C8orf34: variants seen among roughly 807,000 people sequenced by gnomAD.
C8orf34 encodes uncharacterized protein C8orf34.
In C8orf34, 65 loss-of-function variants were observed where a neutral mutation model predicts 68.3. The ratio of observed to expected loss-of-function variants is 0.95; its 90% CI spans 0.78 to 1.17. The LOEUF (loss-of-function observed/expected upper bound fraction) is 1.17, where lower values mean the gene tolerates loss of function less well. C8orf34 is among the 50% of genes most tolerant of loss of function. The pLI, the probability that C8orf34 is intolerant of heterozygous loss-of-function variation, is 0.00. For synonymous variants in C8orf34, 244 were observed against 241.2 expected, an observed-to-expected ratio of 1.01 and a Z score of -0.11; for missense variants, 664 against 655.4, an observed-to-expected ratio of 1.01 and a Z score of -0.14.
At chr8:68,406,493 A>T (rs914537464) in intron 1 of C8orf34, among the ~76,000 whole-genome samples, 2 of 151,582 alleles carry the variant, frequency 1.3e-5, no homozygotes, top group South Asian at 4.2e-4. Flanking sequence ...TTAATTAATT[A>T]ATTATTATTA....
intron 10 of C8orf34, among the ~76,000 whole-genome samples, chr8:68,752,445 A>G (rs920116087): frequency 6.6e-6 from 1 of 152,116 alleles, no homozygotes; most frequent in Non-Finnish European, 1.5e-5. Flanking sequence ...TCTTTCCCCA[A>G]CTTTATACAA....
intron 1 of C8orf34, among the ~76,000 whole-genome samples, chr8:68,348,050 C>T (rs779970394): frequency 2.6e-5 from 4 of 151,576 alleles, no homozygotes; most frequent in African/African-American, 7.3e-5. Context: ...CCTGTGTCCA[C>T]GGTGGTATTA....
At chr8:68,812,902 G>A (rs1277196040) in intron 12 of C8orf34, among the ~76,000 whole-genome samples, 1 of 152,132 alleles carries the variant, frequency 6.6e-6, no homozygotes, top group Non-Finnish European at 1.5e-5. Context: ...GTTGATATCT[G>A]ATAGAAAACA....
intron 7 of C8orf34, among the ~76,000 whole-genome samples, chr8:68,610,794 G>GA (rs1316314205): frequency 6.7e-6 from 1 of 149,512 alleles, no homozygotes; most frequent in Non-Finnish European, 1.5e-5. Flanking sequence ...TTCCAATGAT[G>GA]AAAAACAAGG....
intron 7 of C8orf34, among the ~76,000 whole-genome samples, chr8:68,536,667 A>G (rs894717258): frequency 5.3e-5 from 8 of 152,094 alleles, no homozygotes; most frequent in Non-Finnish European, 8.8e-5. Flanking sequence ...ACTATCCCAT[A>G]CAATTTGTAA....
At chr8:68,807,663 T>A (rs907309684) in intron 12 of C8orf34, among the ~76,000 whole-genome samples, 18 of 152,214 alleles carry the variant, frequency 1.2e-4, no homozygotes, top group Admixed American at 3.3e-4. Context: ...CTTGTCATCA[T>A]GTGTGTCTGC....
At chr8:68,384,847 A>G (rs1241122312) in intron 1 of C8orf34, among the ~76,000 whole-genome samples, 2 of 152,144 alleles carry the variant, frequency 1.3e-5, no homozygotes, top group African/African-American at 4.8e-5. Context: ...TCATGGTGGG[A>G]GCAGATGGTG....
chr8:68,552,568 T>C (rs1295399624), intron 7 of C8orf34, among the ~76,000 whole-genome samples: 1 of 152,140 alleles, frequency 6.6e-6, no homozygotes, highest in Non-Finnish European at 1.5e-5. Context: ...TTGTCAGTTA[T>C]CATAGGTTTT....
intron 1 of C8orf34, among the ~76,000 whole-genome samples, chr8:68,420,263 C>T (rs183140116): frequency 2.0e-5 from 3 of 151,938 alleles, no homozygotes. Flanking sequence ...AACTGCCCTG[C>T]TCTTTGGACT....
rs1585883305 is a variant in C8orf34 at position 68,787,514 on chromosome 8, A to C, written c.1527A>C (p.Gly509=). The part of the protein sequence containing the change: ...WILPSDTESE[G]VEAEQEKRSA... ...TGCCAAGTGACACAGAAAGTGAAGG[A>C]GTGGAAGCAGAACAAGAGAAACGTG... The change falls in exon 12 of 14, where the codon GGA becomes GGC. Residue 509 remains glycine, a synonymous_variant. Transcript: ENST00000518698. 6.2e-7 allele frequency: 1 copy of C among 1,611,576 alleles called. No homozygotes were observed. Among genetic ancestry groups the C allele is most frequent in the Non-Finnish European group, 8.5e-7 (1 of 1,178,374 alleles).
chr8:68,481,753 G>A (rs1014916531), intron 4 of C8orf34, among the ~76,000 whole-genome samples: 1 of 152,164 alleles, frequency 6.6e-6, no homozygotes, highest in African/African-American at 2.4e-5. Context: ...TTTTGGAATG[G>A]CTGTATTTAA....
At chr8:68,725,943 C>G (rs1821817026) in intron 10 of C8orf34, among the ~76,000 whole-genome samples, 1 of 152,070 alleles carries the variant, frequency 6.6e-6, no homozygotes, top group African/African-American at 2.4e-5. Context: ...GAGTCTCACT[C>G]TGTCACCCAA....
chr8:68,532,021 C>T (rs773485754), intron 6 of C8orf34, among the ~76,000 whole-genome samples: 10 of 152,060 alleles, frequency 6.6e-5, no homozygotes, highest in Non-Finnish European at 1.3e-4. Context: ...ATTGACGATT[C>T]TCACTGGCAA....
intron 4 of C8orf34, among the ~76,000 whole-genome samples, chr8:68,474,621 T>C (rs1418856166): frequency 1.3e-5 from 2 of 152,200 alleles, no homozygotes; most frequent in Non-Finnish European, 2.9e-5. Flanking sequence ...CCAAAATCTC[T>C]GTGGCTTGAT....
At chr8:68,687,954 C>G (rs1820570250) in intron 8 of C8orf34, among the ~76,000 whole-genome samples, 1 of 151,846 alleles carries the variant, frequency 6.6e-6, no homozygotes, top group South Asian at 2.1e-4. Context: ...ATAATTCCAT[C>G]AAAAAGTGGG....
chr8:68,552,670 A>G (rs1306309380), intron 7 of C8orf34, among the ~76,000 whole-genome samples: 1 of 152,090 alleles, frequency 6.6e-6, no homozygotes, highest in African/African-American at 2.4e-5. Context: ...GGAAGCATTG[A>G]GTCTTTCAAC....
chr8:68,656,632 A>G (rs139903376), intron 8 of C8orf34, among the ~76,000 whole-genome samples: 36 of 152,294 alleles, frequency 2.4e-4, no homozygotes, highest in African/African-American at 8.2e-4. Flanking sequence ...GTCCTTTCTT[A>G]TAGGTTCCAG....
At chr8:68,544,943 T>C (rs1011848483) in intron 7 of C8orf34, among the ~76,000 whole-genome samples, 3 of 152,030 alleles carry the variant, frequency 2.0e-5, no homozygotes, top group African/African-American at 7.2e-5. Flanking sequence ...ATGCAGATAA[T>C]GAAAGAAAAA....
chr8:68,579,301 CT>C (rs563545945), intron 7 of C8orf34, among the ~76,000 whole-genome samples: 35 of 152,196 alleles, frequency 2.3e-4, no homozygotes, highest in Admixed American at 6.6e-4. Flanking sequence ...TAAAAATTTG[CT>C]TTTCTAAAGC....
Sources: gnomAD v4.1 joint callset for allele counts (sites outside exome capture counted in the v4.1 genomes callset) on GRCh38, gnomAD v4.1.1 for gene constraint, MANE v1.5 for transcripts, NCBI Gene and HGNC (gene_info 2026-07-23, HGNC 2026-07-21) for gene names.